Variants in KCND3 observed in about 807,000 individuals in gnomAD.
KCND3 encodes potassium voltage-gated channel subfamily D member 3.
A neutral mutation model predicts 51.1 loss-of-function variants in KCND3; 9 were observed. That is an observed-to-expected ratio of 0.18 (90% CI 0.11 to 0.31). The LOEUF (loss-of-function observed/expected upper bound fraction) is 0.31. Ranked by LOEUF, KCND3 falls within the 10% of genes least tolerant of loss-of-function variation. The probability of loss-of-function intolerance (pLI) is 1.00; values close to 1 mark genes in which losing one functional copy is unlikely to be tolerated. For missense variants in KCND3, 526 were observed against 903.8 expected (o/e 0.58, Z 5.36); for synonymous variants, 349 against 368.0 (o/e 0.95, Z 0.59).
chr1:111,900,204 C>G (rs1308524596), intron 2 of KCND3, among the ~76,000 whole-genome samples: 1 of 152,096 alleles, frequency 6.6e-6, no homozygotes, highest in Non-Finnish European at 1.5e-5. Context: ...GAGGGAGAGA[C>G]CCTTCTCTCC....
intron 2 of KCND3, among the ~76,000 whole-genome samples, chr1:111,900,280 A>C (rs1670324973): frequency 6.6e-6 from 1 of 152,136 alleles, no homozygotes; most frequent in African/African-American, 2.4e-5. Context: ...GCTGTATCTG[A>C]GACTACGGTG....
intron 2 of KCND3, among the ~76,000 whole-genome samples, chr1:111,900,259 GC>G (rs1449497416): frequency 3.3e-5 from 5 of 152,092 alleles, no homozygotes; most frequent in African/African-American, 1.2e-4. Context: ...CCTCTGGAAA[GC>G]CCCAGTGATG....
chr1:111,813,754 C>T (rs906551639), intron 2 of KCND3, among the ~76,000 whole-genome samples: 1 of 152,236 alleles, frequency 6.6e-6, no homozygotes, highest in African/African-American at 2.4e-5. Flanking sequence ...GCCAGGCAGG[C>T]CTCACTGGTG....
At chr1:111,829,955 A>C (rs1052401122) in intron 2 of KCND3, among the ~76,000 whole-genome samples, 1 of 150,936 alleles carries the variant, frequency 6.6e-6, no homozygotes, top group African/African-American at 2.4e-5. Context: ...GTTCTCGCCT[A>C]CTCCATTTCT....
chr1:111,778,386 T>C, intron 6 of KCND3, 50 bp downstream of exon 6: 1 of 1,548,826 alleles, frequency 6.5e-7, no homozygotes. Context: ...ATCCACAGAC[T>C]CAGAATTATC....
At chr1:111,847,353 A>AGT in intron 2 of KCND3, among the ~76,000 whole-genome samples, 1 of 151,972 alleles carries the variant, frequency 6.6e-6, no homozygotes, top group South Asian at 2.1e-4. Flanking sequence ...AGTGTGTGTG[A>AGT]GTGTGTGTGT....
intron 2 of KCND3, among the ~76,000 whole-genome samples, chr1:111,972,760 G>A (rs1350285833): frequency 6.6e-6 from 1 of 152,160 alleles, no homozygotes; most frequent in African/African-American, 2.4e-5. Flanking sequence ...ACTTCTTAGG[G>A]ACAAGCCTCA....
At chr1:111,778,851 C>G (rs1191501682) in intron 5 of KCND3, among the ~76,000 whole-genome samples, 1 of 152,156 alleles carries the variant, frequency 6.6e-6, no homozygotes, top group East Asian at 1.9e-4. Context: ...AGCATTCCAT[C>G]CCTTCAATGC....
chr1:111,985,557 T>C (rs1675227942), intron 1 of KCND3, among the ~76,000 whole-genome samples: 1 of 152,212 alleles, frequency 6.6e-6, no homozygotes, highest in Non-Finnish European at 1.5e-5. Flanking sequence ...GACCCCTGGT[T>C]TTATATGTGC....
At chr1:111,964,778 TA>T (rs1335645669) in intron 2 of KCND3, among the ~76,000 whole-genome samples, 6 of 152,168 alleles carry the variant, frequency 3.9e-5, no homozygotes, top group Non-Finnish European at 8.8e-5. Context: ...AGGGAGGGAC[TA>T]AGCAATGACG....
intron 2 of KCND3, among the ~76,000 whole-genome samples, chr1:111,863,224 A>G (rs1014172936): frequency 5.3e-5 from 8 of 152,190 alleles, no homozygotes; most frequent in African/African-American, 1.9e-4. Context: ...GTTGTGTGAC[A>G]TGTTCAAGGT....
intron 2 of KCND3, among the ~76,000 whole-genome samples, chr1:111,892,394 A>G (rs927534684): frequency 6.6e-6 from 1 of 152,228 alleles, no homozygotes; most frequent in Non-Finnish European, 1.5e-5. Flanking sequence ...GTGAGTCTTG[A>G]GACCTCAGGC....
chr1:111,773,221 T>C lies in KCND3; in HGVS notation c.*2856A>G, dbSNP rs1337096619. On this transcript the variant is annotated 3_prime_UTR_variant, in exon 8 of 8. Transcript: ENST00000302127. ...GTTGATTAGGACCAATAAAAAAACA[T>C]GGGAAATTGCTTGGGACATGATATT... 1 of 152,092 alleles carries C rather than the reference T, an allele frequency of 6.6e-6. No individual in the cohort carries two copies. The highest frequency in any genetic ancestry group is 1.5e-5 in the Non-Finnish European group (1 of 68,004). The allele number at this position is 152,092 out of a possible 1,614,324, so 9.4% of individuals were successfully genotyped here.
At chr1:111,842,384 TC>T (rs898033539) in intron 2 of KCND3, among the ~76,000 whole-genome samples, 5 of 152,102 alleles carry the variant, frequency 3.3e-5, no homozygotes, top group Non-Finnish European at 2.9e-5. Flanking sequence ...AGGTGGGACC[TC>T]CCAAAATGTC....
At chr1:111,900,432 C>T (rs1186921642) in intron 2 of KCND3, among the ~76,000 whole-genome samples, 3 of 152,216 alleles carry the variant, frequency 2.0e-5, no homozygotes, top group Non-Finnish European at 2.9e-5. Flanking sequence ...GCAGCCTCCA[C>T]CCTGCAAACT....
At chr1:111,864,718 T>C (rs981553658) in intron 2 of KCND3, among the ~76,000 whole-genome samples, 8 of 152,040 alleles carry the variant, frequency 5.3e-5, no homozygotes, top group African/African-American at 1.9e-4. Context: ...CTCAGCAAGG[T>C]CAAGCAGCTT....
rs35108492 is a variant in KCND3, at chr1:111,889,103, G to A, written c.1106+92518C>T. On this transcript the variant is annotated intron_variant, in intron 2 of 7. Transcript: ENST00000302127. ...TGAGTTCGTTTGGGTAAATGGAGGC[G>A]ATGTGGCTGCAGGGCTGGGGTTCAC... Among the ~76,000 whole-genome samples the A allele has an allele frequency of 4.7e-3, 710 of 152,308 alleles. 9 individuals are homozygous for A. Among genetic ancestry groups the A allele is most frequent in the South Asian group, 0.022 (108 of 4,828 alleles).
intron 1 of KCND3, among the ~76,000 whole-genome samples, chr1:111,984,264 C>G (rs182315671): frequency 1.0e-3 from 157 of 152,290 alleles, no homozygotes; most frequent in Non-Finnish European, 1.9e-3. Flanking sequence ...TGAGTTTTTT[C>G]AGATCTCTAC....
chr1:111,789,800 G>T (rs978271985), intron 2 of KCND3, among the ~76,000 whole-genome samples: 3 of 152,190 alleles, frequency 2.0e-5, no homozygotes, highest in African/African-American at 7.2e-5. Context: ...TAACTGGTTG[G>T]TAGATCAGGA....
Sources: allele counts gnomAD v4.1 joint callset (sites outside exome capture counted in the v4.1 genomes callset), GRCh38; gene constraint gnomAD v4.1.1; transcripts MANE v1.5; gene names NCBI Gene and HGNC (gene_info 2026-07-23, HGNC 2026-07-21).